Variants in FAM174A observed in about 807,000 individuals in gnomAD.
FAM174A encodes membrane protein FAM174A.
Under a neutral mutation model 14.3 loss-of-function variants are expected in FAM174A, and 14 were observed. That is an observed-to-expected ratio of 0.98 (90% CI 0.65 to 1.53). The LOEUF (loss-of-function observed/expected upper bound fraction) is 1.53, where lower values mean the gene tolerates loss of function less well. Among genes scored for constraint, FAM174A ranks in the 40% most tolerant of loss-of-function variants. The pLI, the probability that FAM174A is intolerant of heterozygous loss-of-function variation, is 0.00. For synonymous variants in FAM174A, 108 were observed against 111.4 expected, an observed-to-expected ratio of 0.97 and a Z score of 0.19; for missense variants, 241 against 249.6, an observed-to-expected ratio of 0.97 and a Z score of 0.23.
intron 2 of FAM174A, among the ~76,000 whole-genome samples, chr5:100,563,013 GA>G (rs537385900): frequency 3.1e-4 from 47 of 151,886 alleles, no homozygotes; most frequent in African/African-American, 1.0e-3. Flanking sequence ...TAGGATTACA[GA>G]AAAGAAGATG....
intron 2 of FAM174A, among the ~76,000 whole-genome samples, chr5:100,562,628 G>A (rs1365544726): frequency 6.6e-6 from 1 of 151,612 alleles, no homozygotes; most frequent in Middle Eastern, 3.2e-3. Flanking sequence ...GTGTGTGTGT[G>A]TGTGAGAGAG....
At chr5:100,540,066 G>T (rs1746018533) in intron 1 of FAM174A, among the ~76,000 whole-genome samples, 1 of 152,046 alleles carries the variant, frequency 6.6e-6, no homozygotes, top group Admixed American at 6.6e-5. Context: ...TGTTAATATG[G>T]TCACACATAT....
rs1745930604 is a variant in FAM174A at position 100,535,780 on chromosome 5, G to A, written c.250G>A (p.Gly84Ser). ...GCCGCGGGGCTCCGAGGGAGGCAAT[G>A]GCAGCAACCCTGTGGCCGGGCTTGA... Reference protein sequence around the residue: ...AGPRGSEGGNGSNPVAGLETD... With the variant: ...AGPRGSEGGNSSNPVAGLETD... Residue 84 changes from glycine (G) to serine (S), a missense_variant, in exon 1 of 3, where the codon GGC becomes AGC. Physicochemically the swap from Gly to Ser is moderately conservative, Grantham distance 56 (BLOSUM62 0). Transcript: ENST00000312637. 8 of 1,607,080 alleles carry A rather than the reference G, an allele frequency of 5.0e-6. No homozygotes were observed. Among genetic ancestry groups the A allele is most frequent in the Non-Finnish European group, 5.9e-6 (7 of 1,178,978 alleles).
At chr5:100,572,305 G>C (rs1156315793) in intron 2 of FAM174A, among the ~76,000 whole-genome samples, 6 of 145,184 alleles carry the variant, frequency 4.1e-5, no homozygotes, top group African/African-American at 1.6e-4. Context: ...CATTGTGCAG[G>C]TTAGTTACAT....
intron 2 of FAM174A, among the ~76,000 whole-genome samples, chr5:100,566,673 A>G (rs1050373743): frequency 2.0e-5 from 3 of 151,886 alleles, no homozygotes; most frequent in African/African-American, 7.2e-5. Flanking sequence ...TTCACGTAGT[A>G]TATGCACATC....
At chr5:100,573,037 G>A (rs1746824580) in intron 2 of FAM174A, among the ~76,000 whole-genome samples, 1 of 151,252 alleles carries the variant, frequency 6.6e-6, no homozygotes, top group East Asian at 1.9e-4. Context: ...TTTTTTGGCT[G>A]CATAAATGTC....
At chr5:100,538,634 C>G in intron 1 of FAM174A, among the ~76,000 whole-genome samples, 1 of 152,018 alleles carries the variant, frequency 6.6e-6, no homozygotes, top group East Asian at 1.9e-4. Flanking sequence ...TCCCCTATAT[C>G]CTCAGTGCTA....
chr5:100,562,162 G>A lies in FAM174A; in HGVS notation c.543G>A (p.Thr181=), dbSNP rs6874840. 0.23 allele frequency: 355,348 copies of A among 1,576,110 alleles called. 43,093 individuals carry two copies. Among genetic ancestry groups the A allele is most frequent in the Admixed American group, 0.37 (19,388 of 52,712 alleles). ...AGGATGATGAGGATGATGACAACAC[G>A]TTGTTTGATGCCAATCATCCTCGAA... ...LEQDDEDDDN[T]LFDANHPRR The change falls in exon 2 of 3, where the codon ACG becomes ACA. Residue 181 remains threonine, a synonymous_variant. Transcript: ENST00000312637.
intron 1 of FAM174A, among the ~76,000 whole-genome samples, chr5:100,559,334 T>A (rs1451853479): frequency 3.3e-5 from 5 of 152,198 alleles, no homozygotes; most frequent in Admixed American, 6.5e-5. Context: ...CTTCCCTTTG[T>A]GGGTAACCCG....
chr5:100,571,543 A>G (rs963383916), intron 2 of FAM174A, among the ~76,000 whole-genome samples: 6 of 149,004 alleles, frequency 4.0e-5, no homozygotes, highest in African/African-American at 1.5e-4. Flanking sequence ...AAATACTTAA[A>G]TGTATAAATA....
chr5:100,571,436 C>G (rs961642707), intron 2 of FAM174A, among the ~76,000 whole-genome samples: 1 of 151,220 alleles, frequency 6.6e-6, no homozygotes, highest in Non-Finnish European at 1.5e-5. Context: ...ATTGCTTTAT[C>G]AAGAAATTTG....
At chr5:100,562,662 C>A (rs187291157) in intron 2 of FAM174A, among the ~76,000 whole-genome samples, 2 of 151,226 alleles carry the variant, frequency 1.3e-5, no homozygotes. Context: ...ATTTAATTTC[C>A]TTTTTGTATT....
At chr5:100,543,930 T>A (rs898347080) in intron 1 of FAM174A, among the ~76,000 whole-genome samples, 1 of 152,236 alleles carries the variant, frequency 6.6e-6, no homozygotes, top group Non-Finnish European at 1.5e-5. Flanking sequence ...AGAATACCTG[T>A]GTTATGACAT....
intron 2 of FAM174A, among the ~76,000 whole-genome samples, chr5:100,574,719 A>G (rs1561323383): frequency 6.6e-6 from 1 of 151,532 alleles, no homozygotes; most frequent in Non-Finnish European, 1.5e-5. Flanking sequence ...ACCAGGGAGG[A>G]GGGGGCGGGG....
chr5:100,551,828 G>A (rs1367847230), intron 1 of FAM174A, among the ~76,000 whole-genome samples: 1 of 152,076 alleles, frequency 6.6e-6, no homozygotes, highest in African/African-American at 2.4e-5. Context: ...TTCTGCCTGT[G>A]TGCGTGTCTG....
At chr5:100,538,163 T>C (rs149065538) in intron 1 of FAM174A, among the ~76,000 whole-genome samples, 60 of 152,288 alleles carry the variant, frequency 3.9e-4, no homozygotes, top group Non-Finnish European at 6.5e-4. Flanking sequence ...GTCTGGGCAG[T>C]GTTCCGAACT....
At chr5:100,545,401 TTTAATAATCC>T (rs1212002611) in intron 1 of FAM174A, among the ~76,000 whole-genome samples, 3 of 152,166 alleles carry the variant, frequency 2.0e-5, no homozygotes, top group Non-Finnish European at 4.4e-5. Context: ...TGCTATATTC[TTTAATAATCC>T]TTTTTTTTTC....
At chr5:100,581,267 C>A in intron 2 of FAM174A, 1 of 593,616 alleles carries the variant, frequency 1.7e-6, no homozygotes, top group Non-Finnish European at 2.1e-6. Flanking sequence ...CTACCTTCTA[C>A]AACTTCTATA....
At chr5:100,570,366 T>A (rs1746755793) in intron 2 of FAM174A, among the ~76,000 whole-genome samples, 1 of 152,002 alleles carries the variant, frequency 6.6e-6, no homozygotes, top group Admixed American at 6.6e-5. Context: ...AATGTTGATA[T>A]TAGAGATTAA....
Sources: allele counts gnomAD v4.1 joint callset (sites outside exome capture counted in the v4.1 genomes callset), GRCh38; gene constraint gnomAD v4.1.1; transcripts MANE v1.5; gene names NCBI Gene and HGNC (gene_info 2026-07-23, HGNC 2026-07-21).